LRRC1: variants seen among roughly 807,000 people sequenced by gnomAD.
LRRC1 encodes the protein leucine rich repeat containing 1.
Under a neutral mutation model 69.9 loss-of-function variants are expected in LRRC1, and 28 were observed. The ratio of observed to expected loss-of-function variants is 0.40; its 90% CI spans 0.30 to 0.55. The LOEUF (loss-of-function observed/expected upper bound fraction) is 0.55. Ranked by LOEUF, LRRC1 falls within the 20% of genes least tolerant of loss-of-function variation. The probability of loss-of-function intolerance (pLI) is 0.47; values close to 1 mark genes in which losing one functional copy is unlikely to be tolerated. For missense variants in LRRC1, 498 were observed against 609.0 expected (o/e 0.82, Z 1.92); for synonymous variants, 236 against 240.2 (o/e 0.98, Z 0.16).
At chr6:53,805,522 T>G (rs926290979) in intron 1 of LRRC1, among the ~76,000 whole-genome samples, 1 of 152,186 alleles carries the variant, frequency 6.6e-6, no homozygotes, top group Non-Finnish European at 1.5e-5. Context: ...ATCCTCTTAC[T>G]TGAAGATGAA....
At chr6:53,820,083 G>T (rs1386996489) in intron 1 of LRRC1, among the ~76,000 whole-genome samples, 1 of 152,038 alleles carries the variant, frequency 6.6e-6, no homozygotes, top group Non-Finnish European at 1.5e-5. Context: ...CCTTTTTCAG[G>T]TCTAAATTTA....
chr6:53,904,519 A>G (rs942081234), intron 10 of LRRC1, 57 bp downstream of exon 10: 2 of 1,165,812 alleles, frequency 1.7e-6, no homozygotes, highest in Admixed American at 4.3e-5. Flanking sequence ...ATAATAATAC[A>G]TAAGGGATCA....
chr6:53,801,943 A>G (rs1385669327), intron 1 of LRRC1, among the ~76,000 whole-genome samples: 4 of 152,262 alleles, frequency 2.6e-5, no homozygotes, highest in South Asian at 2.1e-4. Flanking sequence ...CACTGTAGCC[A>G]TTATGATTTC....
intron 1 of LRRC1, among the ~76,000 whole-genome samples, chr6:53,802,099 G>A (rs907378464): frequency 1.3e-5 from 2 of 152,178 alleles, no homozygotes; most frequent in Non-Finnish European, 2.9e-5. Flanking sequence ...TGGGAGCAAG[G>A]AGGCATGGCG....
chr6:53,881,454 T>A (rs952270548), intron 3 of LRRC1, among the ~76,000 whole-genome samples: 16 of 152,230 alleles, frequency 1.1e-4, no homozygotes, highest in African/African-American at 3.6e-4. Flanking sequence ...TATAAAATGA[T>A]ATATGCTTTC....
At chr6:53,897,746 C>T (rs1185625633) in intron 7 of LRRC1, among the ~76,000 whole-genome samples, 1 of 152,138 alleles carries the variant, frequency 6.6e-6, no homozygotes, top group African/African-American at 2.4e-5. Flanking sequence ...CCATGTTTTG[C>T]CCCATAATAA....
intron 1 of LRRC1, among the ~76,000 whole-genome samples, chr6:53,827,934 T>A (rs1348960850): frequency 6.6e-6 from 1 of 152,200 alleles, no homozygotes; most frequent in African/African-American, 2.4e-5. Flanking sequence ...AATGTGAAAC[T>A]GAGGAGCTTG....
chr6:53,885,462 A>G (rs1767442810), intron 4 of LRRC1, among the ~76,000 whole-genome samples: 1 of 152,218 alleles, frequency 6.6e-6, no homozygotes, highest in Non-Finnish European at 1.5e-5. Context: ...ATTCCACAAA[A>G]TTTGAAAGAA....
chr6:53,840,321 C>T (rs556783010), intron 1 of LRRC1, among the ~76,000 whole-genome samples: 23 of 152,250 alleles, frequency 1.5e-4, no homozygotes, highest in Non-Finnish European at 3.1e-4. Flanking sequence ...TGCCCTCTTA[C>T]TTTCAAGGTT....
At chr6:53,846,881 A>G (rs1259594174) in intron 2 of LRRC1, among the ~76,000 whole-genome samples, 2 of 152,228 alleles carry the variant, frequency 1.3e-5, no homozygotes, top group Non-Finnish European at 2.9e-5. Flanking sequence ...ATTATCGCAT[A>G]GTAGGATCTT....
At chr6:53,795,913 C>T (rs988323429) in intron 1 of LRRC1, among the ~76,000 whole-genome samples, 4 of 152,248 alleles carry the variant, frequency 2.6e-5, no homozygotes, top group Admixed American at 2.6e-4. Context: ...ACTATCTCGG[C>T]ATCTTGGGAG....
At chr6:53,864,572 T>G (rs895574876) in intron 2 of LRRC1, among the ~76,000 whole-genome samples, 7 of 152,144 alleles carry the variant, frequency 4.6e-5, no homozygotes, top group Non-Finnish European at 4.4e-5. Flanking sequence ...GGACAATTTA[T>G]TTAATGTTTC....
chr6:53,918,235 A>G (rs1172094847), intron 11 of LRRC1, among the ~76,000 whole-genome samples: 6 of 152,142 alleles, frequency 3.9e-5, no homozygotes. Flanking sequence ...TGGCTTAAGA[A>G]CCTCACTCCC....
intron 2 of LRRC1, among the ~76,000 whole-genome samples, chr6:53,872,199 G>A (rs1276883786): frequency 6.6e-6 from 1 of 152,070 alleles, no homozygotes; most frequent in Non-Finnish European, 1.5e-5. Flanking sequence ...CCTAATGTGT[G>A]TTTTTGGCAC....
chr6:53,799,848 A>G (rs1445128570), intron 1 of LRRC1, among the ~76,000 whole-genome samples: 3 of 152,092 alleles, frequency 2.0e-5, no homozygotes, highest in Admixed American at 2.0e-4. Context: ...CTTACCTCTG[A>G]TCCTTCCTTC....
chr6:53,920,241 A>G (rs1768696484), intron 12 of LRRC1, among the ~76,000 whole-genome samples: 1 of 152,194 alleles, frequency 6.6e-6, no homozygotes, highest in African/African-American at 2.4e-5. Context: ...GGAAAGTACT[A>G]GTGTCCATCA....
intron 4 of LRRC1, among the ~76,000 whole-genome samples, chr6:53,886,655 T>A (rs1767490223): frequency 6.6e-6 from 1 of 152,224 alleles, no homozygotes; most frequent in Admixed American, 6.5e-5. Context: ...CCATCCCGCT[T>A]ATTCCAGTTC....
intron 4 of LRRC1, among the ~76,000 whole-genome samples, chr6:53,888,580 T>C (rs769926111): frequency 1.6e-4 from 24 of 152,230 alleles, no homozygotes; most frequent in Non-Finnish European, 2.6e-4. Flanking sequence ...TATGTCTTAA[T>C]TGATTTTGAC....
At chr6:53,856,171 A>G (rs1224188796) in intron 2 of LRRC1, among the ~76,000 whole-genome samples, 1 of 152,260 alleles carries the variant, frequency 6.6e-6, no homozygotes, top group African/African-American at 2.4e-5. Context: ...AGTCTTGGCA[A>G]CAGTGTATGC....
Sources: allele counts gnomAD v4.1 joint callset (sites outside exome capture counted in the v4.1 genomes callset), GRCh38; gene constraint gnomAD v4.1.1; transcripts MANE v1.5; gene names NCBI Gene and HGNC (gene_info 2026-07-23, HGNC 2026-07-21).